PCSK5: variants seen among roughly 807,000 people sequenced by gnomAD.
PCSK5 encodes the protein prohormone convertase 5.
Under a neutral mutation model 233.2 loss-of-function variants are expected in PCSK5, and 129 were observed. The observed-to-expected ratio is 0.55, with a 90% confidence interval of 0.48 to 0.64. The LOEUF (loss-of-function observed/expected upper bound fraction) is 0.64, where lower values mean the gene tolerates loss of function less well. Among genes scored for constraint, PCSK5 ranks in the 30% least tolerant of loss-of-function variants. The probability of loss-of-function intolerance (pLI) is 0.00; values close to 1 mark genes in which losing one functional copy is unlikely to be tolerated. For synonymous variants in PCSK5, 825 were observed against 879.2 expected (o/e 0.94, Z 1.09); for missense variants, 2,076 against 2,430.1 (o/e 0.85, Z 3.06).
chr9:76,134,558 T>C (rs1822893834), intron 10 of PCSK5, among the ~76,000 whole-genome samples: 1 of 152,056 alleles, frequency 6.6e-6, no homozygotes, highest in Non-Finnish European at 1.5e-5. Flanking sequence ...CCTCACCTTC[T>C]ATAGGACTAC....
intron 9 of PCSK5, among the ~76,000 whole-genome samples, chr9:76,126,268 T>C (rs988344147): frequency 1.3e-5 from 2 of 152,104 alleles, no homozygotes; most frequent in African/African-American, 2.4e-5. Flanking sequence ...CTGCCAGGAA[T>C]TGATACACTA....
intron 1 of PCSK5, among the ~76,000 whole-genome samples, chr9:75,908,937 CTCTGTCTATCTATCTA>C (rs1353693383): frequency 1.1e-5 from 1 of 89,508 alleles, no homozygotes; most frequent in African/African-American, 3.6e-5. Context: ...CTATCTCTCT[CTCTGTCTATCTATCTA>C]TCTATCTATC....
chr9:76,297,246 C>T (rs1217705010), intron 27 of PCSK5, among the ~76,000 whole-genome samples: 1 of 152,242 alleles, frequency 6.6e-6, no homozygotes, highest in Non-Finnish European at 1.5e-5. Context: ...GTCCTTATTA[C>T]ATGTCCTTTT....
intron 27 of PCSK5, among the ~76,000 whole-genome samples, chr9:76,297,850 G>A (rs898536692): frequency 1.3e-5 from 2 of 152,102 alleles, no homozygotes; most frequent in Admixed American, 6.6e-5. Context: ...GAGGAGGCAC[G>A]TCCATGGCTG....
At chr9:76,227,264 A>G (rs749246626) in intron 20 of PCSK5, among the ~76,000 whole-genome samples, 4 of 152,180 alleles carry the variant, frequency 2.6e-5, no homozygotes, top group Non-Finnish European at 5.9e-5. Context: ...CTAGATTCAG[A>G]AATATGTCAT....
At chr9:76,186,204 T>C (rs1017656444) in intron 17 of PCSK5, among the ~76,000 whole-genome samples, 4 of 152,204 alleles carry the variant, frequency 2.6e-5, no homozygotes, top group South Asian at 2.1e-4. Flanking sequence ...AAATCTGATA[T>C]ATATTTTACC....
chr9:76,071,797 G>A lies in PCSK5; in HGVS notation c.793G>A (p.Val265Met), dbSNP rs952482391. ...ATCAGTTAGCTTCAACCCCCAGCAC[G>A]TGCACATTTACAGCGCCAGCTGGGG... ...AKSVSFNPQH[V>M]HIYSASWGPD... The change falls in exon 7 of 38, where the codon GTG becomes ATG. Residue 265 changes from valine (V) to methionine (M), a missense_variant. Physicochemically the swap from Val to Met is conservative, Grantham distance 21 (BLOSUM62 1). Coordinates refer to ENST00000674117, the MANE Select transcript of PCSK5 (RefSeq NM_001372043.1). 1.2e-6 allele frequency: 2 copies of A among 1,614,216 alleles called. No homozygotes were observed. Among genetic ancestry groups the A allele is most frequent in the Non-Finnish European group, 8.5e-7 (1 of 1,180,032 alleles).
At chr9:76,041,846 A>G (rs1258418154) in intron 5 of PCSK5, among the ~76,000 whole-genome samples, 1 of 151,152 alleles carries the variant, frequency 6.6e-6, no homozygotes, top group African/African-American at 2.4e-5. Flanking sequence ...CTCAAGGGAA[A>G]AAAAAAAAAA....
chr9:76,247,376 G>C (rs769372508), intron 24 of PCSK5, among the ~76,000 whole-genome samples: 1 of 152,224 alleles, frequency 6.6e-6, no homozygotes, highest in Non-Finnish European at 1.5e-5. Context: ...TGTAGCCGTT[G>C]CTGGCTGGAA....
intron 12 of PCSK5, among the ~76,000 whole-genome samples, chr9:76,160,042 C>T (rs1282272463): frequency 6.6e-6 from 1 of 151,996 alleles, no homozygotes; most frequent in Non-Finnish European, 1.5e-5. Flanking sequence ...AGGATGGTCT[C>T]GATCTCCTGA....
chr9:76,358,758 G>T lies in PCSK5; in HGVS notation c.5500G>T (p.Val1834Leu), dbSNP rs763069943. 2.2e-5 allele frequency: 36 copies of T among 1,612,816 alleles called. No individual in the cohort carries two copies. Among genetic ancestry groups the T allele is most frequent in the Middle Eastern group, 3.3e-4 (2 of 6,084 alleles). The change falls in exon 38 of 38, where the codon GTG (valine) becomes TTG (leucine). Residue 1834 changes from valine (V) to leucine (L), a missense_variant. By Grantham distance (32) the Val-to-Leu change is conservative. This residue lies in a region of PCSK5 where 1,510 missense variants were observed against 1,538.1 expected (regional missense o/e 0.98). Coordinates refer to ENST00000674117, the MANE Select transcript of PCSK5 (RefSeq NM_001372043.1). ...RESTSFEEDQ[V>L]IEYRDRDYDE... ...GAGCACCAGCTTTGAAGAGGATCAG[G>T]TGATTGAGTACAGGGATCGGGACTA...
chr9:76,041,708 C>CG (rs1829126903), intron 5 of PCSK5, among the ~76,000 whole-genome samples: 1 of 151,820 alleles, frequency 6.6e-6, no homozygotes, highest in East Asian at 1.9e-4. Context: ...GGTGTGGTGG[C>CG]TGTGCCTGTA....
intron 16 of PCSK5, among the ~76,000 whole-genome samples, chr9:76,183,328 T>C (rs1438705781): frequency 6.6e-6 from 1 of 152,188 alleles, no homozygotes; most frequent in African/African-American, 2.4e-5. Flanking sequence ...TTCTATGTAA[T>C]TGCCTTATGT....
At chr9:75,949,748 G>A (rs1341262689) in intron 2 of PCSK5, among the ~76,000 whole-genome samples, 4 of 151,926 alleles carry the variant, frequency 2.6e-5, no homozygotes, top group Admixed American at 6.6e-5. Flanking sequence ...GAATGGTCTC[G>A]ATATCTTGAC....
chr9:76,055,135 C>A (rs2131565424), intron 5 of PCSK5, among the ~76,000 whole-genome samples: 1 of 152,120 alleles, frequency 6.6e-6, no homozygotes, highest in African/African-American at 2.4e-5. Flanking sequence ...AGTAGAAAAA[C>A]CATCATAATT....
In PCSK5 at chr9:76,326,030, G is replaced by C. The variant is rs114976819; in HGVS notation, c.4340-1979G>C. On this transcript the variant is annotated intron_variant, in intron 32 of 37. Transcript: ENST00000674117. The stretch of plus-strand genomic sequence containing the variant: ...TGACTTTCCAGAGAGATAATACAAA[G>C]AACCTGATCTGAAAATTAAGATTTG... Among the ~76,000 whole-genome samples, 1,336 of 152,192 alleles carry C rather than the reference G, an allele frequency of 8.8e-3. 25 individuals carry two copies. The highest frequency in any genetic ancestry group is 0.03 in the African/African-American group (1,251 of 41,530).
intron 10 of PCSK5, among the ~76,000 whole-genome samples, chr9:76,145,280 A>G (rs138053267): frequency 2.8e-4 from 43 of 152,296 alleles, no homozygotes; most frequent in African/African-American, 1.0e-3. Flanking sequence ...TTTACATTCA[A>G]CAAAAATGAT....
intron 10 of PCSK5, among the ~76,000 whole-genome samples, chr9:76,151,611 C>G (rs1184914796): frequency 2.0e-5 from 3 of 152,192 alleles, no homozygotes; most frequent in Admixed American, 2.0e-4. Context: ...CGTCCTCCAC[C>G]TAACTAAATC....
intron 1 of PCSK5, among the ~76,000 whole-genome samples, chr9:75,919,954 G>A (rs1823174599): frequency 6.6e-6 from 1 of 152,166 alleles, no homozygotes; most frequent in Non-Finnish European, 1.5e-5. Context: ...GATCACCTGA[G>A]GTCATGAGTT....
Sources: allele counts gnomAD v4.1 joint callset (sites outside exome capture counted in the v4.1 genomes callset), GRCh38; gene constraint gnomAD v4.1.1; regional missense constraint gnomAD v4.1.1; transcripts MANE v1.5; gene names NCBI Gene and HGNC (gene_info 2026-07-23, HGNC 2026-07-21).